Variants in KRT24 observed in about 807,000 individuals in gnomAD.
The protein encoded by KRT24 is keratin 24.
KRT24 carries 44 observed loss-of-function variants against 51.7 expected under a neutral mutation model. The observed-to-expected ratio is 0.85, with a 90% CI of 0.67 to 1.09. The LOEUF (loss-of-function observed/expected upper bound fraction) is 1.09, where lower values mean the gene tolerates loss of function less well. Ranked by LOEUF, KRT24 falls within the 50% of genes least tolerant of loss-of-function variation. KRT24 has a pLI of 0.00. For synonymous variants in KRT24, 241 were observed against 249.5 expected (o/e 0.97, Z 0.32); for missense variants, 633 against 647.0 (o/e 0.98, Z 0.24).
At chr17:40,701,056 C>T in intron 3 of KRT24, 84 bp downstream of exon 3, 1 of 1,426,276 alleles carries the variant, frequency 7.0e-7, no homozygotes. Flanking sequence ...AGCCACTGCA[C>T]CCAGCCAATT....
chr17:40,698,179 T>C lies in KRT24; in HGVS notation c.*58A>G. ...GCCTAGATTGATGCCATTTCTTCGC[T>C]TGTGTCCTTCTTGATTTTTTTTTCT... On this transcript the variant is annotated 3_prime_UTR_variant, in exon 8 of 8. Coordinates refer to ENST00000264651, the MANE Select transcript of KRT24 (RefSeq NM_019016.3). 1 of 1,077,746 alleles carries C rather than the reference T, an allele frequency of 9.3e-7. No homozygotes were observed. Among genetic ancestry groups the C allele is most frequent in the South Asian group, 1.3e-5 (1 of 79,502 alleles). The allele number at this position is 1,077,746 out of a possible 1,614,324, so 66.8% of individuals were successfully genotyped here.
At chr17:40,699,821 T>C (rs1031164734) in intron 5 of KRT24, among the ~76,000 whole-genome samples, 160 bp from the exon 6 acceptor site, 1 of 152,250 alleles carries the variant, frequency 6.6e-6, no homozygotes, top group Non-Finnish European at 1.5e-5. Flanking sequence ...CTTTTTAAAC[T>C]AAATCTTTTA....
chr17:40,700,160 G>A (rs757490372), intron 4 of KRT24, 37 bp from the exon 5 acceptor site: 1 of 1,614,068 alleles, frequency 6.2e-7, no homozygotes, highest in African/African-American at 1.3e-5. Flanking sequence ...GTAGGCTGAT[G>A]AAAGGAGCAG....
intron 1 of KRT24, among the ~76,000 whole-genome samples, chr17:40,702,860 G>A (rs912741307): frequency 2.0e-5 from 3 of 152,120 alleles, no homozygotes; most frequent in African/African-American, 7.2e-5. Flanking sequence ...AAGTTTTACT[G>A]TTATGTAGAA....
At chr17:40,698,731 G>T (rs2144070058) in intron 6 of KRT24, 81 bp from the exon 7 acceptor site, 1 of 758,084 alleles carries the variant, frequency 1.3e-6, no homozygotes, top group South Asian at 1.5e-5. Flanking sequence ...TCTTCATGAT[G>T]AAGTTTTGGA....
At position 40,703,192 on chromosome 17, in the gene KRT24, G is replaced by C. The variant is rs2037703285; in HGVS notation, c.502C>G (p.Leu168Val). ...TACCACTCCTTGATTTTGTTCTCCA[G>C]ATCAGTGTTAGCCTCCTCCAGGGCT... ...VRALEEANTD[L>V]ENKIKEWYDK... The change falls in exon 1 of 8, where the codon CTG (leucine) becomes GTG (valine). Residue 168 changes from leucine to valine, a missense_variant. Leu to Val is a conservative substitution (Grantham distance 32). Transcript: ENST00000264651. 1 of 1,614,108 alleles carries C rather than the reference G, an allele frequency of 6.2e-7. No individual in the cohort carries two copies. Among genetic ancestry groups the C allele is most frequent in the East Asian group, 2.2e-5 (1 of 44,878 alleles).
chr17:40,699,586 T>A lies in KRT24; in HGVS notation c.1219A>T (p.Ile407Phe), dbSNP rs529976751. Reference protein sequence around the residue: ...VAQLSEIQTQISALEEEICQI... With the variant: ...VAQLSEIQTQFSALEEEICQI... Reference sequence around the variant, plus strand: ...CAGATCTCCTCCTCCAGGGCACTGATCTGCGTTTGAATTTCTGACAGCTGA... The same window carrying A: ...CAGATCTCCTCCTCCAGGGCACTGAACTGCGTTTGAATTTCTGACAGCTGA... The change falls in exon 6 of 8, where the codon ATC becomes TTC. Residue 407 changes from isoleucine (I) to phenylalanine (F), a missense_variant. By Grantham distance (21) the Ile-to-Phe change is conservative (BLOSUM62 0). Transcript: ENST00000264651. 6 of 1,614,214 alleles carry A rather than the reference T, an allele frequency of 3.7e-6. No homozygotes were observed. Among genetic ancestry groups the A allele is most frequent in the Admixed American group, 3.3e-5 (2 of 60,026 alleles).
rs753804541 is a variant in KRT24 at position 40,700,132 on chromosome 17, A to C, written c.1018-9T>G. On this transcript the variant is annotated splice_polypyrimidine_tract_variant and intron_variant, in intron 4 of 7. Coordinates refer to ENST00000264651, the MANE Select transcript of KRT24 (RefSeq NM_019016.3). ...GCTTGTAGTGATGCGCTCTAAATACAAACATAATGCAGCTGTTGTAGGCTG... is the reference window on the plus strand; with the variant it reads ...GCTTGTAGTGATGCGCTCTAAATACCAACATAATGCAGCTGTTGTAGGCTG... 1.9e-6 allele frequency: 3 copies of C among 1,614,146 alleles called. No homozygotes were observed. Among genetic ancestry groups the C allele is most frequent in the Non-Finnish European group, 2.5e-6 (3 of 1,180,020 alleles).
At position 40,699,661 on chromosome 17, in the gene KRT24, T is replaced by C. The variant is rs752341616; in HGVS notation, c.1144A>G (p.Lys382Glu). The change falls in exon 6 of 8, where the codon AAA becomes GAA. Residue 382 changes from lysine (K) to glutamate (E), a missense_variant and splice_region_variant. By Grantham distance (56) the Lys-to-Glu change is moderately conservative (BLOSUM62 1). Coordinates refer to ENST00000264651, the MANE Select transcript of KRT24 (RefSeq NM_019016.3). ...GCCAGGGTTCCCTCCAGGGAGCTTTTCTAAGAGAAAAAGCAAATAAAAAAT... is the reference window on the plus strand; with the variant it reads ...GCCAGGGTTCCCTCCAGGGAGCTTTCCTAAGAGAAAAAGCAAATAAAAAAT... ...EIELQSQLAMKSSLEGTLADT... is the reference protein window; with the variant it reads ...EIELQSQLAMESSLEGTLADT... The C allele has an allele frequency of 2.5e-6, 4 of 1,610,434 alleles. No individual in the cohort carries two copies. The highest frequency in any genetic ancestry group is 1.1e-5 in the South Asian group (1 of 90,628).
intron 1 of KRT24, among the ~76,000 whole-genome samples, 184 bp from the exon 2 acceptor site, chr17:40,702,117 C>T (rs757792582): frequency 2.0e-5 from 3 of 151,930 alleles, no homozygotes; most frequent in Non-Finnish European, 2.9e-5. Context: ...CTGCAACCTC[C>T]GCCTCCCATG....
At chr17:40,701,448 T>A in intron 2 of KRT24, 152 bp from the exon 3 acceptor site, 1 of 543,816 alleles carries the variant, frequency 1.8e-6, no homozygotes, top group Non-Finnish European at 3.1e-6. Flanking sequence ...AAATTTTCCC[T>A]TGTAAAGAAA....
At chr17:40,698,507 A>G in intron 7 of KRT24, 31 bp downstream of exon 7, 1 of 1,311,264 alleles carries the variant, frequency 7.6e-7, no homozygotes, top group Non-Finnish European at 1.1e-6. Flanking sequence ...TTTAAATTAC[A>G]GAACTATTAT....
chr17:40,699,974 A>G (rs777127010), intron 5 of KRT24, 24 bp downstream of exon 5: 13 of 1,613,586 alleles, frequency 8.1e-6, no homozygotes, highest in Non-Finnish European at 1.0e-5. Flanking sequence ...CTGTTGGAAA[A>G]TGTGAAAAGC....
At position 40,698,320 on chromosome 17, in the gene KRT24, T is replaced by C; in HGVS notation, c.1495A>G (p.Thr499Ala). 1 of 1,611,008 alleles carries C rather than the reference T, an allele frequency of 6.2e-7. No homozygotes were observed. The highest frequency in any genetic ancestry group is 8.5e-7 in the Non-Finnish European group (1 of 1,177,186). ...ACCAACTCCTCTACGATAGTCTTAG[T>C]CACTCTAGTCTTGCTTGAATCTGAA... ...QGRDSSKTRV[T>A]KTIVEELVDG... The change falls in exon 8 of 8, where the codon ACT becomes GCT. Residue 499 changes from threonine to alanine, a missense_variant. Coordinates refer to ENST00000264651, the MANE Select transcript of KRT24 (RefSeq NM_019016.3).
intron 2 of KRT24, 118 bp downstream of exon 2, chr17:40,701,723 GTATATATATA>G (rs36205605): frequency 0.017 from 644 of 38,006 alleles, 14 homozygotes; most frequent in Non-Finnish European, 0.031. Context: ...TGATCCTCTA[GTATATATATA>G]TATATATATA....
At position 40,700,570 on chromosome 17, in the gene KRT24, A is replaced by G. The variant is rs1181230789; in HGVS notation, c.856-187T>C. 2.6e-5 allele frequency among the ~76,000 whole-genome samples: 4 copies of G among 152,052 alleles called. No homozygotes were observed. The East Asian group carries it at 5.8e-4, about 22-fold the overall frequency. ...AGTATGTGGGAAATTCACTTAGATA[A>G]AAATGAGTTTATTTTACCTTTTTTT... On this transcript the variant is annotated intron_variant, in intron 3 of 7. Coordinates refer to ENST00000264651, the MANE Select transcript of KRT24 (RefSeq NM_019016.3).
At chr17:40,701,078 G>C in intron 3 of KRT24, 62 bp downstream of exon 3, 1 of 1,530,444 alleles carries the variant, frequency 6.5e-7, no homozygotes, top group East Asian at 2.3e-5. Flanking sequence ...TATTTGTATA[G>C]AATGCATATG....
At chr17:40,699,150 T>TA (rs1347021564) in intron 6 of KRT24, among the ~76,000 whole-genome samples, 2 of 152,230 alleles carry the variant, frequency 1.3e-5, no homozygotes, top group Admixed American at 6.5e-5. Context: ...GTGCCGGGAT[T>TA]ACAGGCATGA....
intron 6 of KRT24, 143 bp from the exon 7 acceptor site, chr17:40,698,793 T>C: frequency 1.6e-6 from 1 of 632,234 alleles, no homozygotes; most frequent in Non-Finnish European, 2.8e-6. Context: ...TGTTCAACCT[T>C]GCACTCCTGG....
Sources: gnomAD v4.1 joint callset for allele counts (sites outside exome capture counted in the v4.1 genomes callset) on GRCh38, gnomAD v4.1.1 for gene constraint, MANE v1.5 for transcripts, NCBI Gene and HGNC (gene_info 2026-07-23, HGNC 2026-07-21) for gene names.